Variants in CLMP observed in about 807,000 individuals in gnomAD.
The protein encoded by CLMP is CXADR like cell adhesion molecule.
CLMP carries 27 observed loss-of-function variants against 45.2 expected under a neutral mutation model. That is an observed-to-expected ratio of 0.60 (90% CI 0.44 to 0.82). CLMP has a LOEUF of 0.82. Among genes scored for constraint, CLMP ranks in the 40% least tolerant of loss-of-function variants. The pLI, the probability that CLMP is intolerant of heterozygous loss-of-function variation, is 0.00. For synonymous variants in CLMP, 167 were observed against 171.4 expected (o/e 0.97, Z 0.20); for missense variants, 403 against 448.4 (o/e 0.90, Z 0.91).
Position 123,083,140 on chromosome 11 carries a change from GCA to G in CLMP, c.622_623del (p.Cys208HisfsTer57). ...LTMSYSGLYQCTAGNEAGKES... is the reference protein window; with the variant it reads ...LTMSYSGLYQXTAGNEAGKES... ...CCTTCCCAGCTTCGTTGCCTGCTGT[GCA>G]CTGGTACAGTCCAGAGTAGGACATG... On this transcript the variant is annotated frameshift_variant, in exon 5 of 7. Transcript: ENST00000448775. LOFTEE classifies it high-confidence loss of function. The G allele has an allele frequency of 6.2e-7, 1 of 1,614,102 alleles. No individual in the cohort carries two copies. Among genetic ancestry groups the G allele is most frequent in the Non-Finnish European group, 8.5e-7 (1 of 1,179,990 alleles).
intron 1 of CLMP, among the ~76,000 whole-genome samples, chr11:123,119,054 T>C (rs11218994): frequency 1.3e-4 from 2 of 15,804 alleles, no homozygotes; most frequent in East Asian, 1.2e-3. Flanking sequence ...TCCCTCTCCC[T>C]CTCTCTCTCT....
intron 1 of CLMP, among the ~76,000 whole-genome samples, chr11:123,150,509 A>G (rs557786166): frequency 2.7e-4 from 36 of 131,230 alleles, no homozygotes; most frequent in African/African-American, 9.2e-4. Context: ...GGAAGGAAGG[A>G]AGGAAGGAAG....
intron 1 of CLMP, among the ~76,000 whole-genome samples, chr11:123,167,956 AAGACAGACAGAC>A (rs112277747): frequency 1.3e-5 from 2 of 151,614 alleles, no homozygotes; most frequent in Non-Finnish European, 1.5e-5. Flanking sequence ...CCAGGAAGGA[AAGACAGACAGAC>A]AGACAGACAG....
At chr11:123,159,768 C>T (rs375764165) in intron 1 of CLMP, among the ~76,000 whole-genome samples, 18 of 152,262 alleles carry the variant, frequency 1.2e-4, no homozygotes, top group African/African-American at 4.1e-4. Context: ...CTCTGCCAAT[C>T]CTCTCAGTCA....
intron 1 of CLMP, among the ~76,000 whole-genome samples, chr11:123,110,801 C>T (rs767195124): frequency 1.3e-5 from 2 of 152,094 alleles, no homozygotes; most frequent in African/African-American, 2.4e-5. Context: ...AAGGAAAGGG[C>T]TTATGCCATT....
chr11:123,100,806 CT>C (rs199550423), intron 1 of CLMP, among the ~76,000 whole-genome samples: 11 of 151,766 alleles, frequency 7.2e-5, no homozygotes, highest in South Asian at 2.1e-4. Flanking sequence ...CCCAAAAACA[CT>C]TTTTTTTTCC....
chr11:123,194,500 C>T (rs1286566645), intron 1 of CLMP, among the ~76,000 whole-genome samples: 3 of 152,126 alleles, frequency 2.0e-5, no homozygotes, highest in East Asian at 3.9e-4. Flanking sequence ...ACTCTGCTCA[C>T]CCTTTAACAC....
At chr11:123,175,851 TC>T (rs1861691435) in intron 1 of CLMP, among the ~76,000 whole-genome samples, 1 of 152,288 alleles carries the variant, frequency 6.6e-6, no homozygotes. Context: ...GGCCTTTGCA[TC>T]AGGTGGAAAC....
chr11:123,166,623 G>A (rs566402232), intron 1 of CLMP, among the ~76,000 whole-genome samples: 1 of 152,296 alleles, frequency 6.6e-6, no homozygotes, highest in African/African-American at 2.4e-5. Flanking sequence ...CTTGCTTTTA[G>A]GTCTTCCTGA....
intron 2 of CLMP, among the ~76,000 whole-genome samples, chr11:123,093,055 C>T (rs1014223061): frequency 1.6e-4 from 24 of 151,542 alleles, no homozygotes; most frequent in Admixed American, 3.3e-4. Context: ...CTACAGGCAC[C>T]CGCCATCACT....
At chr11:123,115,932 C>T (rs1248254377) in intron 1 of CLMP, among the ~76,000 whole-genome samples, 1 of 152,052 alleles carries the variant, frequency 6.6e-6, no homozygotes, top group Non-Finnish European at 1.5e-5. Context: ...TCATGAAATA[C>T]AAACTGTTGG....
intron 1 of CLMP, among the ~76,000 whole-genome samples, chr11:123,171,325 T>C (rs1376680989): frequency 6.6e-6 from 1 of 151,884 alleles, no homozygotes; most frequent in Non-Finnish European, 1.5e-5. Flanking sequence ...GGCTAGCTGG[T>C]CCCTTAGAGT....
intron 2 of CLMP, among the ~76,000 whole-genome samples, chr11:123,093,762 GC>G (rs1262331765): frequency 1.3e-5 from 2 of 152,092 alleles, no homozygotes; most frequent in Non-Finnish European, 2.9e-5. Context: ...TAGTCCTTTT[GC>G]AAACAAATAA....
intron 1 of CLMP, among the ~76,000 whole-genome samples, chr11:123,172,834 T>C (rs1266108302): frequency 1.3e-5 from 2 of 152,238 alleles, no homozygotes; most frequent in Non-Finnish European, 2.9e-5. Context: ...AGCATAGATT[T>C]CTAACAATGG....
At chr11:123,118,985 CTT>C (rs1565387857) in intron 1 of CLMP, among the ~76,000 whole-genome samples, 35 of 47,682 alleles carry the variant, frequency 7.3e-4, no homozygotes, top group South Asian at 2.8e-3. Flanking sequence ...TTCTTTCTTT[CTT>C]TCTTTCTTTC....
chr11:123,179,068 T>A (rs1272408875), intron 1 of CLMP, among the ~76,000 whole-genome samples: 1 of 152,172 alleles, frequency 6.6e-6, no homozygotes, highest in African/African-American at 2.4e-5. Context: ...TTAGCAAACA[T>A]GAGCCACTAC....
rs528513888 is a variant in CLMP, at chr11:123,118,578, G to A, written c.29-20626C>T. Among the ~76,000 whole-genome samples the A allele has an allele frequency of 2.0e-4, 31 of 152,274 alleles. 2 individuals are homozygous for A. The South Asian group carries it at 5.4e-3, about 26-fold the overall frequency. ...CAGGGCAATTAAAAACCTGGACCTC[G>A]ATCTGTATGCAACTAAATGATGGTA... On this transcript the variant is annotated intron_variant, in intron 1 of 6. Coordinates refer to ENST00000448775, the MANE Select transcript of CLMP (RefSeq NM_024769.5).
intron 1 of CLMP, among the ~76,000 whole-genome samples, chr11:123,163,474 AAG>A (rs377676101): frequency 1.3e-5 from 2 of 152,170 alleles, no homozygotes; most frequent in African/African-American, 4.8e-5. Flanking sequence ...AAGAGAAAGG[AAG>A]AGAGTTGAAA....
At chr11:123,172,260 C>T (rs1861645774) in intron 1 of CLMP, among the ~76,000 whole-genome samples, 1 of 151,924 alleles carries the variant, frequency 6.6e-6, no homozygotes, top group African/African-American at 2.4e-5. Flanking sequence ...TACAGGCACC[C>T]ACCACCACGC....
Sources: allele counts gnomAD v4.1 joint callset (sites outside exome capture counted in the v4.1 genomes callset), GRCh38; gene constraint gnomAD v4.1.1; transcripts MANE v1.5; gene names NCBI Gene and HGNC (gene_info 2026-07-23, HGNC 2026-07-21).